Variants in RDH13 observed in about 807,000 individuals in gnomAD.
The protein encoded by RDH13 is retinol dehydrogenase 13.
Under a neutral mutation model 28.3 loss-of-function variants are expected in RDH13, and 35 were observed. That is an observed-to-expected ratio of 1.24 (90% CI 0.95 to 1.64). RDH13 has a LOEUF of 1.64. RDH13 is among the 40% of genes most tolerant of loss of function. RDH13 has a pLI of 0.00. For missense variants in RDH13, 514 were observed against 446.3 expected, an observed-to-expected ratio of 1.15 and a Z score of -1.37; for synonymous variants, 229 against 198.5, an observed-to-expected ratio of 1.15 and a Z score of -1.29.
rs1364154709 is a variant in RDH13, at chr19:55,061,227, A to G, written c.65+1741T>C. Among the ~76,000 whole-genome samples, 3 of 152,174 alleles carry G rather than the reference A, an allele frequency of 2.0e-5. No homozygotes were observed. The East Asian group carries it at 5.8e-4, about 29-fold the overall frequency. The stretch of plus-strand genomic sequence containing the variant: ...ACTGTAACCTTCGCCTCACAGGTTC[A>G]AGCGATTCTCCTGCCTTAGCCTCCT... On this transcript the variant is annotated intron_variant, in intron 1 of 6. Coordinates refer to ENST00000415061, the MANE Select transcript of RDH13 (RefSeq NM_001145971.2).
upstream of RDH13, among the ~76,000 whole-genome samples, chr19:55,066,845 A>G (rs1344095715): frequency 6.6e-6 from 1 of 151,936 alleles, no homozygotes; most frequent in Non-Finnish European, 1.5e-5. Flanking sequence ...AGAGATAAGC[A>G]AAGGGGGGCA....
At chr19:55,060,542 G>A (rs2075778023) in intron 1 of RDH13, among the ~76,000 whole-genome samples, 1 of 152,156 alleles carries the variant, frequency 6.6e-6, no homozygotes, top group African/African-American at 2.4e-5. Context: ...TCAGAGGCCG[G>A]TGCCGGTGCA....
intron 3 of RDH13, chr19:55,053,661 A>G (rs796307392): frequency 4.0e-5 from 6 of 151,840 alleles, no homozygotes; most frequent in African/African-American, 1.5e-4. Flanking sequence ...GTCTCAGAAA[A>G]AAAAAAAAAC....
Position 55,063,007 on chromosome 19 carries a change from G to A in RDH13, c.26C>T (p.Ser9Leu), listed in dbSNP as rs768760278. The change falls in exon 1 of 7, where the codon TCG (serine) becomes TTG (leucine). Residue 9 changes from serine to leucine, a missense_variant. Physicochemically the swap from Ser to Leu is moderately radical, Grantham distance 145 (BLOSUM62 -2). Transcript: ENST00000415061. MSRYLLPL[S>L]ALGTVAGAAV... ...GGCGCCTGCTACCGTGCCCAGCGCCGACAGCGGCAGCAGGTAGCGGCTCAT... is the reference window on the plus strand; with the variant it reads ...GGCGCCTGCTACCGTGCCCAGCGCCAACAGCGGCAGCAGGTAGCGGCTCAT... 111 of 1,467,396 alleles carry A rather than the reference G, an allele frequency of 7.6e-5. 2 individuals are homozygous for A. The highest frequency in any genetic ancestry group is 5.5e-4 in the Middle Eastern group (3 of 5,500). The allele number at this position is 1,467,396 out of a possible 1,614,324, so 90.9% of individuals were successfully genotyped here.
intron 3 of RDH13, among the ~76,000 whole-genome samples, chr19:55,055,310 G>A (rs1416537245): frequency 6.6e-6 from 1 of 151,796 alleles, no homozygotes; most frequent in Non-Finnish European, 1.5e-5. Flanking sequence ...GCACCACCAC[G>A]CCTGGCTAAT....
upstream of RDH13, chr19:55,063,228 G>A: frequency 2.2e-6 from 1 of 447,446 alleles, no homozygotes; most frequent in Non-Finnish European, 3.9e-6. Flanking sequence ...CTAGGGACGG[G>A]ACCTATGAGC....
intron 2 of RDH13, among the ~76,000 whole-genome samples, chr19:55,058,579 C>T (rs2075710270): frequency 6.6e-6 from 1 of 152,090 alleles, no homozygotes; most frequent in Non-Finnish European, 1.5e-5. Context: ...GTAGGTAGCT[C>T]CTGTAAGTGG....
intron 2 of RDH13, 137 bp downstream of exon 2, chr19:55,059,020 A>G (rs948977464): frequency 4.6e-6 from 3 of 652,092 alleles, no homozygotes; most frequent in South Asian, 1.8e-5. Flanking sequence ...GCCCCTGTCT[A>G]TAGAAGCCAC....
At chr19:55,042,108 A>G (rs1165191231), downstream of RDH13, 3 of 145,362 alleles carry the variant, frequency 2.1e-5, no homozygotes, top group Non-Finnish European at 3.0e-5. Context: ...TCCATCACCA[A>G]CCATAGGTTC....
intron 6 of RDH13, chr19:55,046,854 G>A (rs1297464588): frequency 1.3e-5 from 2 of 154,982 alleles, no homozygotes; most frequent in African/African-American, 2.4e-5. Context: ...TCATGCCATT[G>A]TACTCCAGCC....
chr19:55,062,848 T>G (rs2075847900), intron 1 of RDH13, 120 bp downstream of exon 1: 1 of 896,630 alleles, frequency 1.1e-6, no homozygotes, highest in Non-Finnish European at 1.5e-6. Flanking sequence ...GGGCGGGCAC[T>G]GCGGGTCGGG....
downstream of RDH13, among the ~76,000 whole-genome samples, chr19:55,043,763 G>A (rs1271983104): frequency 2.0e-5 from 3 of 151,936 alleles, no homozygotes; most frequent in Non-Finnish European, 4.4e-5. Context: ...TGAGCTTTTC[G>A]GTGCCTCCTT....
chr19:55,050,582 CCAGCTAGCA>C (rs1390822382), intron 3 of RDH13: 2 of 152,202 alleles, frequency 1.3e-5, no homozygotes, highest in East Asian at 1.9e-4. Flanking sequence ...GCCACCATGC[CCAGCTAGCA>C]CGTCTGTTTC....
chr19:55,068,149 CTCTCTCTTCCTCTTTTCCTTTG>C (rs1476273056), intron 1 of RDH13, among the ~76,000 whole-genome samples: 2 of 133,796 alleles, frequency 1.5e-5, no homozygotes, highest in African/African-American at 6.4e-5. Context: ...TTCTCCCTGT[CTCTCTCTTCCTCTTTTCCTTTG>C]TCTCTCTCTC....
intron 3 of RDH13, 104 bp from the exon 4 acceptor site, chr19:55,048,867 T>G: frequency 9.6e-7 from 1 of 1,037,518 alleles, no homozygotes; most frequent in South Asian, 1.4e-5. Flanking sequence ...GAATGTGGCC[T>G]GTGCCGGAAA....
rs1422662654 is a variant in RDH13, at chr19:55,061,992, C to CT, written c.65+975dup. On this transcript the variant is annotated intron_variant, in intron 1 of 6. Coordinates refer to ENST00000415061, the MANE Select transcript of RDH13 (RefSeq NM_001145971.2). ...ATTAGACAGGCGTGGTGGCACATGC[C>CT]TGTAATCCCAGCTACTCAGGAGGCT... Among the ~76,000 whole-genome samples, 5 of 152,092 alleles carry CT rather than the reference C, an allele frequency of 3.3e-5. No individual in the cohort carries two copies. The East Asian group carries it at 9.7e-4, about 30-fold the overall frequency.
chr19:55,052,778 C>T (rs1166665151), intron 3 of RDH13, among the ~76,000 whole-genome samples: 1 of 151,890 alleles, frequency 6.6e-6, no homozygotes, highest in East Asian at 2.0e-4. Flanking sequence ...TCTCCTGCCT[C>T]AGCCTCCCAA....
At position 55,044,718 on chromosome 19, in the gene RDH13, T is replaced by G. The variant is rs1391005936; in HGVS notation, c.*356A>C. On this transcript the variant is annotated 3_prime_UTR_variant, in exon 7 of 7. Coordinates refer to ENST00000415061, the MANE Select transcript of RDH13 (RefSeq NM_001145971.2). ...GTGTCAGACAACTTGCCCATGCTCTTCACGGAGCACCTTGGAACCCTCCCC... is the reference window on the plus strand; with the variant it reads ...GTGTCAGACAACTTGCCCATGCTCTGCACGGAGCACCTTGGAACCCTCCCC... 3.5e-6 allele frequency: 1 copy of G among 286,594 alleles called. No individual in the cohort carries two copies. The highest frequency in any genetic ancestry group is 6.1e-5 in the East Asian group (1 of 16,462). 17.8% of individuals were successfully genotyped at this position (286,594 alleles called of 1,614,324 possible).
upstream of RDH13, among the ~76,000 whole-genome samples, chr19:55,064,657 A>T (rs543748176): frequency 2.0e-5 from 3 of 150,946 alleles, no homozygotes; most frequent in Non-Finnish European, 4.4e-5. Context: ...TGTGTCACCC[A>T]GGCTGGAGAG....
Sources: gnomAD v4.1 joint callset for allele counts (sites outside exome capture counted in the v4.1 genomes callset) on GRCh38, gnomAD v4.1.1 for gene constraint, MANE v1.5 for transcripts, NCBI Gene and HGNC (gene_info 2026-07-23, HGNC 2026-07-21) for gene names.